The following PLCB4 variants were observed in gnomAD, a reference collection of about 807,000 sequenced individuals.
The protein encoded by PLCB4 is 1-phosphatidylinositol 4,5-bisphosphate phosphodiesterase beta-4.
In PLCB4, 77 loss-of-function variants were observed where a neutral mutation model predicts 178.8. The ratio of observed to expected loss-of-function variants is 0.43; its 90% CI spans 0.36 to 0.52. PLCB4 has a LOEUF of 0.52. Ranked by LOEUF, PLCB4 falls within the 20% of genes least tolerant of loss-of-function variation. The pLI, the probability that PLCB4 is intolerant of heterozygous loss-of-function variation, is 0.00. For missense variants in PLCB4, 1,024 were observed against 1,453.4 expected, an observed-to-expected ratio of 0.70 and a Z score of 4.80; for synonymous variants, 496 against 490.8, an observed-to-expected ratio of 1.01 and a Z score of -0.14.
intron 4 of PLCB4, among the ~76,000 whole-genome samples, chr20:9,326,970 G>C (rs2147998242): frequency 6.6e-6 from 1 of 152,184 alleles, no homozygotes. Context: ...TTGTATTTCT[G>C]CCTCATATTA....
At chr20:9,421,651 C>T (rs982423892) in intron 27 of PLCB4, among the ~76,000 whole-genome samples, 190 bp downstream of exon 27, 1 of 152,184 alleles carries the variant, frequency 6.6e-6, no homozygotes, top group Non-Finnish European at 1.5e-5. Flanking sequence ...TTTGGTTCTC[C>T]TCTCCTCCTT....
chr20:9,096,439 C>G (rs2146600511), intron 2 of PLCB4, 97 bp downstream of exon 2: 1 of 152,292 alleles, frequency 6.6e-6, no homozygotes, highest in Admixed American at 6.5e-5. Context: ...TTTTATGCCA[C>G]TAACACGTGC....
intron 7 of PLCB4, among the ~76,000 whole-genome samples, chr20:9,349,637 A>T (rs971802642): frequency 5.3e-5 from 8 of 152,206 alleles, no homozygotes; most frequent in Admixed American, 2.6e-4. Flanking sequence ...AGGTTTCATA[A>T]GAAGAGACTG....
At chr20:9,140,545 G>A (rs1244241477) in intron 2 of PLCB4, among the ~76,000 whole-genome samples, 1 of 151,802 alleles carries the variant, frequency 6.6e-6, no homozygotes, top group Admixed American at 6.6e-5. Flanking sequence ...GTTGGAGGGG[G>A]GGCCTGGTGG....
Position 9,405,665 on chromosome 20 carries a change from A to G in PLCB4, c.1647+317A>G, listed in dbSNP as rs183503181. Among the ~76,000 whole-genome samples, 5 of 152,346 alleles carry G rather than the reference A, an allele frequency of 3.3e-5. No individual in the cohort carries two copies. In the East Asian group the frequency reaches 9.6e-4, roughly 29 times the overall value. On this transcript the variant is annotated intron_variant, in intron 21 of 39. Coordinates refer to ENST00000378473, the MANE Select transcript of PLCB4 (RefSeq NM_001377142.1). The stretch of plus-strand genomic sequence containing the variant: ...AAAGGATGATCTTAGTTCCCACTAC[A>G]TTGACATTCTGGAAGATCACTGATT...
intron 4 of PLCB4, among the ~76,000 whole-genome samples, chr20:9,319,264 C>T (rs961493152): frequency 3.9e-5 from 6 of 152,140 alleles, no homozygotes; most frequent in South Asian, 4.1e-4. Flanking sequence ...AGTCCCTTCT[C>T]GATTGATAAA....
chr20:9,265,229 T>G (rs1302079544), intron 3 of PLCB4, among the ~76,000 whole-genome samples: 1 of 152,128 alleles, frequency 6.6e-6, no homozygotes, highest in Non-Finnish European at 1.5e-5. Context: ...ATGTCTGCAA[T>G]TCCAGCACTT....
At chr20:9,231,503 G>GC (rs2093931804) in intron 3 of PLCB4, among the ~76,000 whole-genome samples, 1 of 152,000 alleles carries the variant, frequency 6.6e-6, no homozygotes, top group Non-Finnish European at 1.5e-5. Flanking sequence ...TGTTAAGGGA[G>GC]CCCCCCCATC....
rs188001227 is a variant in PLCB4 at position 9,171,088 on chromosome 20, C to A, written c.-78-46302C>A. 1.8e-3 allele frequency among the ~76,000 whole-genome samples: 268 copies of A among 152,280 alleles called. 1 individual carries two copies. Among genetic ancestry groups the A allele is most frequent in the Non-Finnish European group, 3.3e-3 (224 of 68,022 alleles). On this transcript the variant is annotated intron_variant, in intron 2 of 39. Coordinates refer to ENST00000378473, the MANE Select transcript of PLCB4 (RefSeq NM_001377142.1). ...TATGAGACTCATCTCTGAAAACTCACACAGCTCCTTAAGCTCTTATTCACA... is the reference window on the plus strand; with the variant it reads ...TATGAGACTCATCTCTGAAAACTCAAACAGCTCCTTAAGCTCTTATTCACA...
chr20:9,319,428 T>C (rs1335268562), intron 4 of PLCB4, among the ~76,000 whole-genome samples: 1 of 152,074 alleles, frequency 6.6e-6, no homozygotes, highest in Admixed American at 6.6e-5. Flanking sequence ...CAATGGGATA[T>C]ATAGAGATAT....
chr20:9,233,382 G>A (rs886528314), intron 3 of PLCB4, among the ~76,000 whole-genome samples: 2 of 151,984 alleles, frequency 1.3e-5, no homozygotes, highest in Non-Finnish European at 2.9e-5. Flanking sequence ...AATGTACAAA[G>A]ACACATCCCT....
At chr20:9,401,190 T>C (rs1233121516) in intron 19 of PLCB4, among the ~76,000 whole-genome samples, 1 of 152,208 alleles carries the variant, frequency 6.6e-6, no homozygotes, top group African/African-American at 2.4e-5. Flanking sequence ...ATTTTTAGAA[T>C]TAGTATACTA....
intron 2 of PLCB4, among the ~76,000 whole-genome samples, chr20:9,161,138 C>T (rs1271235151): frequency 6.6e-6 from 1 of 152,116 alleles, no homozygotes; most frequent in Non-Finnish European, 1.5e-5. Flanking sequence ...CCCAATTTTA[C>T]AAATCAGGAA....
At chr20:9,232,525 C>T (rs908396101) in intron 3 of PLCB4, among the ~76,000 whole-genome samples, 2 of 152,072 alleles carry the variant, frequency 1.3e-5, no homozygotes, top group African/African-American at 4.8e-5. Context: ...ATACCTGGCT[C>T]CTGTGACTAA....
At chr20:9,477,203 T>C (rs1349713660) in intron 39 of PLCB4, among the ~76,000 whole-genome samples, 1 of 152,200 alleles carries the variant, frequency 6.6e-6, no homozygotes, top group Non-Finnish European at 1.5e-5. Context: ...ACGATGACTC[T>C]TGTCATGCTC....
intron 1 of PLCB4, among the ~76,000 whole-genome samples, chr20:9,074,884 G>C (rs1432978042): frequency 1.3e-5 from 2 of 149,012 alleles, no homozygotes; most frequent in South Asian, 2.1e-4. Flanking sequence ...AGGGAGAAAG[G>C]CCTCCACTAG....
chr20:9,451,792 A>T (rs1241184345), intron 32 of PLCB4, among the ~76,000 whole-genome samples: 1 of 152,186 alleles, frequency 6.6e-6, no homozygotes, highest in Admixed American at 6.5e-5. Context: ...TTCACTTTTA[A>T]TCCTAACAAC....
At chr20:9,156,729 A>G (rs2092794416) in intron 2 of PLCB4, among the ~76,000 whole-genome samples, 1 of 151,754 alleles carries the variant, frequency 6.6e-6, no homozygotes, top group Admixed American at 6.6e-5. Context: ...TCTTTGAGGG[A>G]TTACTGGGCT....
intron 1 of PLCB4, among the ~76,000 whole-genome samples, chr20:9,070,861 C>T (rs549186402): frequency 7.9e-5 from 12 of 152,242 alleles, no homozygotes; most frequent in African/African-American, 2.2e-4. Flanking sequence ...CTGAATTAAT[C>T]GCTGTTGAAA....
Sources: allele counts gnomAD v4.1 joint callset (sites outside exome capture counted in the v4.1 genomes callset), GRCh38; gene constraint gnomAD v4.1.1; transcripts MANE v1.5; gene names NCBI Gene and HGNC (gene_info 2026-07-23, HGNC 2026-07-21).